XKRX: variants seen among roughly 807,000 people sequenced by gnomAD.
XKRX encodes the protein XK related X-linked, also known as XK-related protein 2.
A neutral mutation model predicts 22.4 loss-of-function variants in XKRX; 11 were observed. The ratio of observed to expected loss-of-function variants is 0.49; its 90% CI spans 0.31 to 0.81. XKRX has a LOEUF of 0.81. Among genes scored for constraint, XKRX ranks in the 40% least tolerant of loss-of-function variants. The pLI is 0.05. For synonymous variants in XKRX, 114 were observed against 132.2 expected (o/e 0.86, Z 0.94); for missense variants, 320 against 336.5 (o/e 0.95, Z 0.38).
At chrX:100,910,842 T>G (rs188189640), downstream of XKRX, 1,043 of 765,216 alleles carry the variant, frequency 1.4e-3, 3 homozygotes, top group Non-Finnish European at 9.0e-4. Context: ...AATGATGGTC[T>G]GAAGGCTAAG....
At chrX:100,941,161 G>A in the XKRX span, among the ~76,000 whole-genome samples, 1 of 112,036 alleles carries the variant, frequency 8.9e-6, no homozygotes, top group African/African-American at 3.2e-5. Context: ...TAATAACAAT[G>A]ATGGCTTTTT....
At chrX:100,922,723 G>A in intron 2 of XKRX, 70 bp downstream of exon 2, 1 of 1,078,944 alleles carries the variant, frequency 9.3e-7, no homozygotes, top group African/African-American at 1.9e-5. Context: ...CAGTTTATTA[G>A]ACAGCTTGGG....
chrX:100,907,196 AT>A, the XKRX span, among the ~76,000 whole-genome samples: 930 of 108,448 alleles, frequency 8.6e-3, 9 homozygotes, highest in African/African-American at 0.029. Flanking sequence ...CACTTAAAAA[AT>A]TTTTTTTTTA....
downstream of XKRX, among the ~76,000 whole-genome samples, chrX:100,912,558 A>G (rs892319453): frequency 5.3e-5 from 6 of 112,361 alleles, no homozygotes; most frequent in African/African-American, 1.9e-4. Context: ...AATTCTTAGC[A>G]TGCTACCAAG....
At chrX:100,951,253 AAGG>A in the XKRX span, among the ~76,000 whole-genome samples, 2 of 104,622 alleles carry the variant, frequency 1.9e-5, no homozygotes, top group Non-Finnish European at 3.9e-5. Flanking sequence ...AAAAAAAAAA[AAGG>A]AGGACAGAGG....
chrX:100,930,280 T>C (rs2085516480), upstream of XKRX, among the ~76,000 whole-genome samples: 1 of 84,167 alleles, frequency 1.2e-5, no homozygotes, highest in African/African-American at 4.4e-5. Context: ...CAGAGCAAGA[T>C]TACGTCTTAA....
chrX:100,945,023 T>C, the XKRX span, among the ~76,000 whole-genome samples: 1 of 111,370 alleles, frequency 9.0e-6, no homozygotes, highest in Non-Finnish European at 1.9e-5. Context: ...CAGTCTGTAA[T>C]AGGCAGACTG....
chrX:100,892,315 T>C, the XKRX span, among the ~76,000 whole-genome samples: 2 of 111,686 alleles, frequency 1.8e-5, no homozygotes, highest in African/African-American at 6.5e-5. Context: ...AAGAGTATAA[T>C]GGGAATATTT....
the XKRX span, among the ~76,000 whole-genome samples, chrX:100,900,856 C>G: frequency 3.0e-5 from 3 of 99,775 alleles, no homozygotes; most frequent in East Asian, 6.3e-4. Flanking sequence ...GTGTCACGAT[C>G]TCGGCTCACT....
In XKRX at chrX:100,914,888, A is replaced by C. The variant is rs976334036; in HGVS notation, c.800T>G (p.Leu267Trp). 6 of 1,209,907 alleles carry C rather than the reference A, an allele frequency of 5.0e-6. No individual in the cohort carries two copies. In the Admixed American group the frequency reaches 1.3e-4, roughly 26 times the overall value. Residue 267 changes from leucine to tryptophan, a missense_variant, in exon 3 of 3, where the codon TTG becomes TGG. By Grantham distance (61) the Leu-to-Trp change is moderately conservative. Transcript: ENST00000372956. ...GAGCACTAGGAAGGGCACAGCCTTCAATTTCAAAGTGGCTGAGAAGAGCAC... is the reference window on the plus strand; with the variant it reads ...GAGCACTAGGAAGGGCACAGCCTTCCATTTCAAAGTGGCTGAGAAGAGCAC... ...ILVLFSATLK[L>W]KAVPFLVLNF...
intron 2 of XKRX, among the ~76,000 whole-genome samples, chrX:100,921,202 T>C (rs990351182): frequency 4.5e-5 from 5 of 110,881 alleles, no homozygotes; most frequent in Non-Finnish European, 9.5e-5. Flanking sequence ...CCATCCTTGA[T>C]TTTTTTTGTG....
chrX:100,887,231 C>T, the XKRX span, among the ~76,000 whole-genome samples: 5 of 110,839 alleles, frequency 4.5e-5, no homozygotes, highest in African/African-American at 1.6e-4. Context: ...GAAGGAATTC[C>T]AACTTCACAC....
the XKRX span, chrX:100,888,143 T>C: frequency 8.5e-7 from 1 of 1,170,618 alleles, no homozygotes; most frequent in Non-Finnish European, 1.1e-6. Flanking sequence ...CGTCAAAGGT[T>C]ACAAAGGCAA....
the XKRX span, among the ~76,000 whole-genome samples, chrX:100,906,771 T>A: frequency 1.8e-5 from 2 of 111,527 alleles, no homozygotes; most frequent in East Asian, 5.7e-4. Flanking sequence ...AGAAGGGCCA[T>A]GTTCCTTTTG....
At chrX:100,923,476 C>T (rs956817133) in intron 1 of XKRX, among the ~76,000 whole-genome samples, 2 of 112,038 alleles carry the variant, frequency 1.8e-5, no homozygotes, top group African/African-American at 3.2e-5. Flanking sequence ...TACTTTTTGT[C>T]TTTTTCTCTC....
At chrX:100,905,114 G>A in the XKRX span, among the ~76,000 whole-genome samples, 2 of 112,043 alleles carry the variant, frequency 1.8e-5, no homozygotes, top group African/African-American at 6.5e-5. Flanking sequence ...AAGAATATGA[G>A]CTTTGGAATA....
chrX:100,944,886 T>G, the XKRX span, among the ~76,000 whole-genome samples: 1 of 110,980 alleles, frequency 9.0e-6, no homozygotes, highest in Non-Finnish European at 1.9e-5. Context: ...CTCAATGCCC[T>G]TGTCTCAAAA....
chrX:100,907,684 G>A, the XKRX span, among the ~76,000 whole-genome samples: 1 of 112,043 alleles, frequency 8.9e-6, no homozygotes, highest in African/African-American at 3.2e-5. Flanking sequence ...ATAACTCTTC[G>A]TGTAATTGTG....
chrX:100,957,264 G>A, the XKRX span: 5 of 993,764 alleles, frequency 5.0e-6, no homozygotes, highest in Non-Finnish European at 7.2e-6. Flanking sequence ...TGACATGGAA[G>A]TGAAAGGTTG....
Sources: gnomAD v4.1 joint callset for allele counts (sites outside exome capture counted in the v4.1 genomes callset) on GRCh38, gnomAD v4.1.1 for gene constraint, MANE v1.5 for transcripts, NCBI Gene and HGNC (gene_info 2026-07-23, HGNC 2026-07-21) for gene names.